LRRC45: variants seen among roughly 807,000 people sequenced by gnomAD.
LRRC45 encodes the protein leucine rich repeat containing 45.
Under a neutral mutation model 85.4 loss-of-function variants are expected in LRRC45, and 73 were observed. That is an observed-to-expected ratio of 0.85 (90% CI 0.71 to 1.04). The LOEUF is 1.04. Ranked by LOEUF, LRRC45 falls within the 50% of genes least tolerant of loss-of-function variation. The pLI, the probability that LRRC45 is intolerant of heterozygous loss-of-function variation, is 0.00. For missense variants in LRRC45, 937 were observed against 883.3 expected (o/e 1.06, Z -0.77); for synonymous variants, 429 against 386.0 (o/e 1.11, Z -1.31).
At chr17:82,027,563 T>G in intron 7 of LRRC45, 111 bp from the exon 8 acceptor site, 1 of 1,537,416 alleles carries the variant, frequency 6.5e-7, no homozygotes, top group Non-Finnish European at 9.0e-7. Context: ...GGAGGCTCAG[T>G]GCCCAGGCGA....
chr17:82,029,996 G>C (rs144629325), intron 14 of LRRC45, 69 bp from the exon 15 acceptor site: 1 of 1,455,286 alleles, frequency 6.9e-7, no homozygotes, highest in East Asian at 2.5e-5. Context: ...GGTCGTGCCC[G>C]TGCAGACATT....
Position 82,025,380 on chromosome 17 carries a change from C to G in LRRC45, c.534C>G (p.Asp178Glu), listed in dbSNP as rs1392965008. The change falls in exon 5 of 17, where the codon GAC (aspartate) becomes GAG (glutamate). Residue 178 changes from aspartate to glutamate, a missense_variant and splice_region_variant. Coordinates refer to ENST00000306688, the MANE Select transcript of LRRC45 (RefSeq NM_144999.4). Reference protein sequence around the residue: ...LKGNTTLQQLDLRWNNVGLLG... With the variant: ...LKGNTTLQQLELRWNNVGLLG... ...TGGTGACTACAGGTTTCCTTCCAGA[C>G]CTGCGCTGGAATAACGTTGGCCTCC... 6.3e-7 allele frequency: 1 copy of G among 1,579,268 alleles called. No homozygotes were observed. The highest frequency in any genetic ancestry group is 8.6e-7 in the Non-Finnish European group (1 of 1,161,724).
intron 12 of LRRC45, 71 bp downstream of exon 12, chr17:82,028,754 C>A: frequency 6.7e-7 from 1 of 1,495,656 alleles, no homozygotes. Context: ...CCCCAAAGCA[C>A]ACACCTGGTG....
Position 82,028,025 on chromosome 17 carries a change from A to C in LRRC45, c.926A>C (p.Glu309Ala), listed in dbSNP as rs936229114. 1.9e-6 allele frequency: 3 copies of C among 1,604,598 alleles called. No homozygotes were observed. The highest frequency in any genetic ancestry group is 2.5e-6 in the Non-Finnish European group (3 of 1,176,800). ...NALKAKLQMTEAALALSEQKA... is the reference protein window; with the variant it reads ...NALKAKLQMTAAALALSEQKA... ...CCTTTCTGCAGGCTGCAGATGACAGAGGCCGCCCTGGCTCTGTCGGAGCAG... is the reference window on the plus strand; with the variant it reads ...CCTTTCTGCAGGCTGCAGATGACAGCGGCCGCCCTGGCTCTGTCGGAGCAG... The change falls in exon 9 of 17, where the codon GAG becomes GCG. Residue 309 changes from glutamate to alanine, a missense_variant. Physicochemically the swap from Glu to Ala is moderately radical, Grantham distance 107. Transcript: ENST00000306688.
rs1738409378 is a variant in LRRC45 at position 82,027,867 on chromosome 17, G to A, written c.911+116G>A. On this transcript the variant is annotated intron_variant, in intron 8 of 16. Coordinates refer to ENST00000306688, the MANE Select transcript of LRRC45 (RefSeq NM_144999.4). ...AGCAGAGGTGGGAAATGGTGAGGCT[G>A]GGGCAGTAACCCAGAAGCCTTCCTG... 3 of 1,509,924 alleles carry A rather than the reference G, an allele frequency of 2.0e-6. No individual in the cohort carries two copies. In the South Asian group the frequency reaches 3.6e-5, roughly 18 times the overall value. 93.5% of individuals were successfully genotyped at this position (1,509,924 alleles called of 1,614,324 possible).
chr17:82,030,014 C>T (rs1443817092), intron 14 of LRRC45, 51 bp from the exon 15 acceptor site: 2 of 1,486,342 alleles, frequency 1.3e-6, no homozygotes, highest in South Asian at 2.6e-5. Context: ...ATTCCCTCAG[C>T]TGAGCTCAGG....
chr17:82,029,096 G>A lies in LRRC45; in HGVS notation c.1312G>A (p.Glu438Lys). The A allele has an allele frequency of 6.2e-7, 1 of 1,612,350 alleles. No homozygotes were observed. Among genetic ancestry groups the A allele is most frequent in the East Asian group, 2.2e-5 (1 of 44,874 alleles). ...CACAATCCCTGCCCCTGAGCAGGTG[G>A]AGCATATGACCCGTCACCTGGAGGA... ...DSESLRIKEVEHMTRHLEESE... is the reference protein window; with the variant it reads ...DSESLRIKEVKHMTRHLEESE... Residue 438 changes from glutamate (E) to lysine (K), a missense_variant, in exon 13 of 17, where the codon GAG (glutamate) becomes AAG (lysine). By Grantham distance (56) the Glu-to-Lys change is moderately conservative (BLOSUM62 1). Coordinates refer to ENST00000306688, the MANE Select transcript of LRRC45 (RefSeq NM_144999.4).
At chr17:82,029,287 T>A (rs1223803898) in intron 13 of LRRC45, 102 bp downstream of exon 13, 1 of 1,202,156 alleles carries the variant, frequency 8.3e-7, no homozygotes, top group Non-Finnish European at 1.2e-6. Context: ...CCTCTTCCTG[T>A]TCCCAGAGGC....
At position 82,028,263 on chromosome 17, in the gene LRRC45, C is replaced by CA. The variant is rs768043487; in HGVS notation, c.1078dup (p.Arg360LysfsTer8). On this transcript the variant is annotated frameshift_variant, in exon 10 of 17. Transcript: ENST00000306688. LOFTEE classifies it high-confidence loss of function. ...CTGCAGAGCGGGAGTCTAAACTCCT[C>CA]AGAGACTTGTCTGCTGCCAATGAAA... The CA allele has an allele frequency of 6.3e-7, 1 of 1,580,474 alleles. No individual in the cohort carries two copies. The highest frequency in any genetic ancestry group is 8.6e-7 in the Non-Finnish European group (1 of 1,163,232).
rs981494489 is a variant in LRRC45, at chr17:82,025,597, G to A, written c.661+90G>A. 29 of 1,416,894 alleles carry A rather than the reference G, an allele frequency of 2.0e-5. No individual in the cohort carries two copies. The Admixed American group carries it at 5.5e-4, about 27-fold the overall frequency. The allele number at this position is 1,416,894 out of a possible 1,614,324, so 87.8% of individuals were successfully genotyped here. ...GGGTGCCGGGCTCAGGACGGGAACT[G>A]ATGAGGAGAGCAGCCTGAGAGCCCA... On this transcript the variant is annotated intron_variant, in intron 5 of 16. Transcript: ENST00000306688.
chr17:82,027,114 G>A (rs867841468), intron 6 of LRRC45, 103 bp downstream of exon 6: 3 of 1,083,102 alleles, frequency 2.8e-6, no homozygotes, highest in South Asian at 2.7e-5. Flanking sequence ...TCCCTTCCTC[G>A]GGGCCCTGGA....
intron 7 of LRRC45, 24 bp downstream of exon 7, chr17:82,027,468 A>G (rs957833545): frequency 3.1e-6 from 5 of 1,612,494 alleles, no homozygotes; most frequent in Non-Finnish European, 4.2e-6. Flanking sequence ...GGGCAGGGGC[A>G]GGGTGAGGCT....
At position 82,030,878 on chromosome 17, in the gene LRRC45, C is replaced by T. The variant is rs2043415265; in HGVS notation, c.*73C>T. On this transcript the variant is annotated 3_prime_UTR_variant, in exon 17 of 17. Transcript: ENST00000306688. ...CCGAGATGGACCAGGGGCTGCGTCC[C>T]GCCCGCGCCGCCTCTTTGAGACCCG... 3.3e-5 allele frequency: 37 copies of T among 1,119,014 alleles called. No individual in the cohort carries two copies. The highest frequency in any genetic ancestry group is 4.3e-5 in the Non-Finnish European group (37 of 862,630). The allele number at this position is 1,119,014 out of a possible 1,614,324, so 69.3% of individuals were successfully genotyped here. A position where few individuals can be genotyped will look rare whatever the true frequency, so the allele number is the denominator to read the frequency against.
chr17:82,027,672 A>AG lies in LRRC45; in HGVS notation c.835dup. 6.2e-7 allele frequency: 1 copy of AG among 1,609,668 alleles called. No homozygotes were observed. The highest frequency in any genetic ancestry group is 8.5e-7 in the Non-Finnish European group (1 of 1,178,490). ...TCTCTGCACCCTCCTCTCTGCCCACAGGGCGTCGGCAGCCCGTGTAGGGCA... is the reference window on the plus strand; with the variant it reads ...TCTCTGCACCCTCCTCTCTGCCCACAGGGGCGTCGGCAGCCCGTGTAGGGCA... On this transcript the variant is annotated splice_acceptor_variant, in intron 7 of 16. Coordinates refer to ENST00000306688, the MANE Select transcript of LRRC45 (RefSeq NM_144999.4). LOFTEE classifies it high-confidence loss of function.
intron 5 of LRRC45, 157 bp from the exon 6 acceptor site, chr17:82,026,742 C>T (rs2043371302): frequency 5.6e-6 from 3 of 537,164 alleles, no homozygotes; most frequent in Non-Finnish European, 1.0e-5. Flanking sequence ...CCATGCCCAG[C>T]TACTTTTTTG....
chr17:82,030,303 C>A lies in LRRC45; in HGVS notation c.1669-16C>A. The A allele has an allele frequency of 6.5e-7, 1 of 1,547,104 alleles. No homozygotes were observed. Among genetic ancestry groups the A allele is most frequent in the South Asian group, 1.2e-5 (1 of 83,942 alleles). On this transcript the variant is annotated splice_polypyrimidine_tract_variant and intron_variant, in intron 15 of 16. Coordinates refer to ENST00000306688, the MANE Select transcript of LRRC45 (RefSeq NM_144999.4). ...CCCCAACCCTCGCCTCACTCCCCAG[C>A]CTTCGTGCCTGGCAGGAGCTGAGCC...
chr17:82,025,559 TCCA>T, intron 5 of LRRC45, 52 bp downstream of exon 5: 1 of 1,469,924 alleles, frequency 6.8e-7, no homozygotes, highest in Middle Eastern at 1.8e-4. Context: ...CAGAGGCCTG[TCCA>T]CCGAGGGCGG....
rs753845516 is a variant in LRRC45, at chr17:82,029,145, G to T, written c.1361G>T (p.Arg454Leu). 6.2e-7 allele frequency: 1 copy of T among 1,612,558 alleles called. No homozygotes were observed. Among genetic ancestry groups the T allele is most frequent in the African/African-American group, 1.3e-5 (1 of 75,050 alleles). Residue 454 changes from arginine (R) to leucine (L), a missense_variant, in exon 13 of 17, where the codon CGG (arginine) becomes CTG (leucine). Physicochemically the swap from Arg to Leu is moderately radical, Grantham distance 102. Transcript: ENST00000306688. ...GAGAGTGAGAAGGCCATGCAGGAGC[G>T]GGTGCAGAGGCTGGAGGCGGCGCGG... ...LEESEKAMQERVQRLEAARLS... is the reference protein window; with the variant it reads ...LEESEKAMQELVQRLEAARLS...
chr17:82,023,610 G>A lies in LRRC45; in HGVS notation c.-34G>A, dbSNP rs1198477133. The stretch of plus-strand genomic sequence containing the variant: ...CGGCTCCCTTTCAGCAGCTGCGGGA[G>A]CATGCGGAGGAGGCCCTGCCGGCCC... On this transcript the variant is annotated 5_prime_UTR_variant, in exon 1 of 17. Transcript: ENST00000306688. The A allele has an allele frequency of 6.7e-7, 1 of 1,486,192 alleles. No individual in the cohort carries two copies. 92.1% of individuals were successfully genotyped at this position (1,486,192 alleles called of 1,614,324 possible).
Sources: allele counts gnomAD v4.1 joint callset, GRCh38; gene constraint gnomAD v4.1.1; transcripts MANE v1.5; gene names NCBI Gene and HGNC (gene_info 2026-07-23, HGNC 2026-07-21).